The following KHDRBS2 variants were observed in gnomAD, a reference collection of about 807,000 sequenced individuals.
KHDRBS2 encodes KH domain-containing, RNA-binding, signal transduction-associated protein 2.
A neutral mutation model predicts 44.3 loss-of-function variants in KHDRBS2; 26 were observed. The observed-to-expected ratio is 0.59, with a 90% CI of 0.43 to 0.81. The LOEUF (loss-of-function observed/expected upper bound fraction) is 0.81. Among genes scored for constraint, KHDRBS2 ranks in the 40% least tolerant of loss-of-function variants. The pLI is 0.00. For missense variants in KHDRBS2, 476 were observed against 433.1 expected, an observed-to-expected ratio of 1.10 and a Z score of -0.88; for synonymous variants, 194 against 151.1, an observed-to-expected ratio of 1.28 and a Z score of -2.08.
At chr6:61,764,845 T>C (rs1231316706) in intron 6 of KHDRBS2, among the ~76,000 whole-genome samples, 2 of 152,164 alleles carry the variant, frequency 1.3e-5, no homozygotes, top group Non-Finnish European at 2.9e-5. Flanking sequence ...TTCACTCTGA[T>C]GATAGTTTCT....
chr6:61,620,323 G>T, the KHDRBS2 span, among the ~76,000 whole-genome samples: 6 of 151,642 alleles, frequency 4.0e-5, no homozygotes, highest in African/African-American at 1.2e-4. Context: ...TAGTATTATT[G>T]ATTCTTTTAA....
intron 2 of KHDRBS2, among the ~76,000 whole-genome samples, chr6:62,061,563 C>T (rs1791897509): frequency 6.7e-6 from 1 of 149,824 alleles, no homozygotes; most frequent in Admixed American, 6.7e-5. Context: ...TGATGGGCTT[C>T]CCTTTGAGGG....
At chr6:61,987,335 G>C (rs1387989480) in intron 3 of KHDRBS2, among the ~76,000 whole-genome samples, 1 of 152,110 alleles carries the variant, frequency 6.6e-6, no homozygotes, top group Non-Finnish European at 1.5e-5. Flanking sequence ...TAATTTCACA[G>C]GAGTAGCTCT....
At chr6:61,562,622 G>C in the KHDRBS2 span, among the ~76,000 whole-genome samples, 1 of 152,008 alleles carries the variant, frequency 6.6e-6, no homozygotes. Flanking sequence ...GTCTTTCTTA[G>C]GGACCTCAGA....
chr6:62,127,823 A>G (rs781647684), intron 2 of KHDRBS2, among the ~76,000 whole-genome samples: 2 of 152,046 alleles, frequency 1.3e-5, no homozygotes, highest in Non-Finnish European at 2.9e-5. Flanking sequence ...TCTGGTTATG[A>G]TTTTCTGTAA....
chr6:61,722,741 G>A (rs1284494777), intron 7 of KHDRBS2, among the ~76,000 whole-genome samples: 5 of 149,976 alleles, frequency 3.3e-5, no homozygotes, highest in South Asian at 2.1e-4. Context: ...ATGGAGTCTC[G>A]CTCTGTCACC....
chr6:61,768,490 A>C (rs1394286027), intron 6 of KHDRBS2, among the ~76,000 whole-genome samples: 1 of 152,046 alleles, frequency 6.6e-6, no homozygotes, highest in Non-Finnish European at 1.5e-5. Flanking sequence ...AATATCTCTT[A>C]GATTTGCATT....
chr6:61,935,656 T>C (rs1185225704), intron 4 of KHDRBS2, among the ~76,000 whole-genome samples: 1 of 152,180 alleles, frequency 6.6e-6, no homozygotes, highest in African/African-American at 2.4e-5. Context: ...TGCTGCTAAA[T>C]CTTCAGTATT....
intron 6 of KHDRBS2, among the ~76,000 whole-genome samples, chr6:61,847,120 A>G (rs550312758): frequency 2.6e-5 from 4 of 152,058 alleles, no homozygotes; most frequent in Admixed American, 2.6e-4. Context: ...TTTATCTTCT[A>G]TTTTGTAAGT....
chr6:61,869,743 G>A (rs1449256781), intron 6 of KHDRBS2, among the ~76,000 whole-genome samples: 4 of 152,104 alleles, frequency 2.6e-5, no homozygotes, highest in African/African-American at 9.7e-5. Flanking sequence ...CCTTACCTGG[G>A]AAGCATAAGG....
At chr6:62,011,105 T>C in intron 3 of KHDRBS2, among the ~76,000 whole-genome samples, 1 of 152,134 alleles carries the variant, frequency 6.6e-6, no homozygotes, top group Non-Finnish European at 1.5e-5. Flanking sequence ...ATGACTTATA[T>C]ATATGTCTAA....
At chr6:61,665,102 T>C in the KHDRBS2 span, among the ~76,000 whole-genome samples, 2 of 151,720 alleles carry the variant, frequency 1.3e-5, no homozygotes, top group South Asian at 4.1e-4. Flanking sequence ...GGTATGCATT[T>C]CATAAAGGAG....
At chr6:61,956,196 A>AAAAAC (rs1767244793) in intron 4 of KHDRBS2, among the ~76,000 whole-genome samples, 1 of 151,196 alleles carries the variant, frequency 6.6e-6, no homozygotes, top group Non-Finnish European at 1.5e-5. Flanking sequence ...CCTTGTCAAA[A>AAAAAC]AAAAACAAAA....
At chr6:62,127,916 A>G (rs1468068913) in intron 2 of KHDRBS2, among the ~76,000 whole-genome samples, 1 of 152,178 alleles carries the variant, frequency 6.6e-6, no homozygotes, top group Non-Finnish European at 1.5e-5. Context: ...ATTAGTTAAC[A>G]TCTGCCAGGG....
At chr6:62,209,346 C>A (rs979757849) in intron 1 of KHDRBS2, among the ~76,000 whole-genome samples, 2 of 152,076 alleles carry the variant, frequency 1.3e-5, no homozygotes, top group African/African-American at 4.8e-5. Flanking sequence ...ACAGAAAAAA[C>A]AGAGGCAGAA....
At chr6:62,034,433 C>T (rs979283771) in intron 3 of KHDRBS2, among the ~76,000 whole-genome samples, 5 of 151,758 alleles carry the variant, frequency 3.3e-5, no homozygotes, top group South Asian at 2.1e-4. Context: ...AAAATACTAG[C>T]AAACCAAATT....
chr6:61,675,510 T>G (rs1454484918), downstream of KHDRBS2, among the ~76,000 whole-genome samples: 1 of 151,760 alleles, frequency 6.6e-6, no homozygotes, highest in Non-Finnish European at 1.5e-5. Context: ...GTTATTAAGC[T>G]AAATGGTCAC....
chr6:61,986,020 A>T (rs12207267), intron 3 of KHDRBS2, among the ~76,000 whole-genome samples: 33,314 of 146,592 alleles, frequency 0.23, 3,784 homozygotes, highest in Admixed American at 0.3. Context: ...ATAGTGGTTT[A>T]AAAAAAAAAT....
chr6:62,207,794 T>C (rs1828266800), intron 1 of KHDRBS2, among the ~76,000 whole-genome samples: 1 of 152,176 alleles, frequency 6.6e-6, no homozygotes, highest in African/African-American at 2.4e-5. Context: ...TTATATTATC[T>C]ATATTTGATG....
Sources: gnomAD v4.1 joint callset for allele counts (sites outside exome capture counted in the v4.1 genomes callset) on GRCh38, gnomAD v4.1.1 for gene constraint, MANE v1.5 for transcripts, NCBI Gene and HGNC (gene_info 2026-07-23, HGNC 2026-07-21) for gene names.